The following ATP9A variants were observed in gnomAD, a reference collection of about 807,000 sequenced individuals.
The protein encoded by ATP9A is ATPase phospholipid transporting 9A.
Under a neutral mutation model 144.1 loss-of-function variants are expected in ATP9A, and 52 were observed. That is an observed-to-expected ratio of 0.36 (90% CI 0.29 to 0.45). The LOEUF (loss-of-function observed/expected upper bound fraction) is 0.45. Among genes scored for constraint, ATP9A ranks in the 20% least tolerant of loss-of-function variants. The probability of loss-of-function intolerance (pLI) is 1.00; values close to 1 mark genes in which losing one functional copy is unlikely to be tolerated. For missense variants in ATP9A, 947 were observed against 1,392.7 expected (o/e 0.68, Z 5.09); for synonymous variants, 582 against 557.4 (o/e 1.04, Z -0.62).
At chr20:51,603,508 C>T (rs1051813580) in intron 27 of ATP9A, among the ~76,000 whole-genome samples, 16 of 152,148 alleles carry the variant, frequency 1.1e-4, no homozygotes, top group East Asian at 3.9e-4. Context: ...CGATGGGGTC[C>T]GTAGCATAGC....
At chr20:51,683,606 G>A (rs1000165590) in intron 9 of ATP9A, among the ~76,000 whole-genome samples, 12 of 151,986 alleles carry the variant, frequency 7.9e-5, no homozygotes, top group Non-Finnish European at 1.5e-4. Flanking sequence ...TGTAGAGATG[G>A]GTTTTCACTA....
intron 1 of ATP9A, among the ~76,000 whole-genome samples, chr20:51,751,832 C>T (rs1328514895): frequency 1.3e-5 from 2 of 152,158 alleles, no homozygotes; most frequent in South Asian, 2.1e-4. Context: ...TCGTGATCCG[C>T]CCGCCTCGGC....
Position 51,711,038 on chromosome 20 carries a change from C to T in ATP9A, c.436+1928G>A, listed in dbSNP as rs143476353. Among the ~76,000 whole-genome samples the T allele has an allele frequency of 5.9e-5, 9 of 152,196 alleles. No individual in the cohort carries two copies. In the East Asian group the frequency reaches 1.3e-3, roughly 23 times the overall value. ...TTATTAAGGGAGGATTTAATATACA[C>T]GAACCACACACAAAAAAAGCCCTCC... On this transcript the variant is annotated intron_variant, in intron 4 of 27. Transcript: ENST00000338821.
intron 9 of ATP9A, among the ~76,000 whole-genome samples, chr20:51,681,177 A>T (rs911673293): frequency 2.0e-5 from 3 of 152,212 alleles, no homozygotes; most frequent in Non-Finnish European, 4.4e-5. Flanking sequence ...AAATGTCCTC[A>T]TGTAATGTTA....
intron 1 of ATP9A, among the ~76,000 whole-genome samples, chr20:51,747,002 T>C (rs1651495256): frequency 2.6e-5 from 4 of 151,448 alleles, no homozygotes; most frequent in Admixed American, 2.6e-4. Context: ...CGAGACTCCG[T>C]CTCAAAAAAA....
intron 14 of ATP9A, among the ~76,000 whole-genome samples, chr20:51,642,804 G>A (rs6021342): frequency 1.4e-5 from 2 of 138,822 alleles, no homozygotes; most frequent in Admixed American, 7.4e-5. Flanking sequence ...TTTACCAAGA[G>A]AGCTCTGCAG....
intron 15 of ATP9A, among the ~76,000 whole-genome samples, chr20:51,639,140 G>C (rs1287622244): frequency 6.6e-6 from 1 of 152,182 alleles, no homozygotes; most frequent in African/African-American, 2.4e-5. Context: ...TCCAGAACCA[G>C]GGACACCATA....
At chr20:51,749,881 C>T (rs965316018) in intron 1 of ATP9A, among the ~76,000 whole-genome samples, 5 of 152,150 alleles carry the variant, frequency 3.3e-5, no homozygotes, top group East Asian at 1.9e-4. Context: ...GGTGCAGTGG[C>T]TCATCCTGTA....
At position 51,690,823 on chromosome 20, in the gene ATP9A, T is replaced by C. The variant is rs185194072; in HGVS notation, c.643-4A>G. 1.2e-6 allele frequency: 2 copies of C among 1,613,810 alleles called. No homozygotes were observed. The highest frequency in any genetic ancestry group is 4.5e-5 in the East Asian group (2 of 44,876). Reference sequence around the variant, plus strand: ...ACGATCGAATCTGAAGAAGGTCCTGTTCAACAGAAGGCACATTCGGGAGTC... The same window carrying C: ...ACGATCGAATCTGAAGAAGGTCCTGCTCAACAGAAGGCACATTCGGGAGTC... On this transcript the variant is annotated splice_region_variant and splice_polypyrimidine_tract_variant and intron_variant, in intron 7 of 27. Transcript: ENST00000338821.
At chr20:51,730,988 G>A (rs1025718205) in intron 1 of ATP9A, among the ~76,000 whole-genome samples, 4 of 152,176 alleles carry the variant, frequency 2.6e-5, no homozygotes, top group African/African-American at 9.7e-5. Context: ...GGGCAACAAA[G>A]TGAGACTCTC....
At chr20:51,635,014 CTG>C (rs1463630787) in intron 15 of ATP9A, among the ~76,000 whole-genome samples, 1 of 102,124 alleles carries the variant, frequency 9.8e-6, no homozygotes, top group Non-Finnish European at 2.0e-5. Flanking sequence ...GGTACTCATG[CTG>C]TGTGTCAGCC....
intron 3 of ATP9A, among the ~76,000 whole-genome samples, chr20:51,720,560 G>T (rs563631300): frequency 6.6e-6 from 1 of 152,270 alleles, no homozygotes; most frequent in African/African-American, 2.4e-5. Flanking sequence ...CCTAGGCCTA[G>T]CGCAGTGGCT....
intron 3 of ATP9A, among the ~76,000 whole-genome samples, chr20:51,717,852 G>T (rs1386474178): frequency 5.9e-5 from 9 of 151,988 alleles, no homozygotes; most frequent in Non-Finnish European, 2.9e-5. Context: ...TACTTAGGGG[G>T]CTGAGGCAGG....
chr20:51,701,745 GGGATGAGCCTC>G (rs1568827151), intron 4 of ATP9A, among the ~76,000 whole-genome samples: 1 of 152,180 alleles, frequency 6.6e-6, no homozygotes, highest in African/African-American at 2.4e-5. Context: ...GTGTTTTGAG[GGGATGAGCCTC>G]GGATCTGCAG....
intron 22 of ATP9A, among the ~76,000 whole-genome samples, chr20:51,616,948 T>C (rs959397127): frequency 6.5e-4 from 98 of 151,460 alleles, no homozygotes; most frequent in Admixed American, 1.8e-3. Context: ...AACTTTTTTT[T>C]TTTTTTTTTT....
At position 51,746,878 on chromosome 20, in the gene ATP9A, C is replaced by T. The variant is rs566133065; in HGVS notation, c.69-16900G>A. 5.3e-5 allele frequency among the ~76,000 whole-genome samples: 8 copies of T among 151,834 alleles called. No individual in the cohort carries two copies. In the East Asian group the frequency reaches 7.8e-4, roughly 15 times the overall value. ...AAAATCAATCAGGTGTGGTGGCGCACGCCCGTAATCCCAGCTACTCCAGAG... is the reference window on the plus strand; with the variant it reads ...AAAATCAATCAGGTGTGGTGGCGCATGCCCGTAATCCCAGCTACTCCAGAG... On this transcript the variant is annotated intron_variant, in intron 1 of 27. Transcript: ENST00000338821.
At chr20:51,718,835 AAAAAAAAAAAC>A (rs1486315520) in intron 3 of ATP9A, among the ~76,000 whole-genome samples, 1 of 103,502 alleles carries the variant, frequency 9.7e-6, no homozygotes, top group African/African-American at 3.2e-5. Context: ...AAAAAAAAAA[AAAAAAAAAAAC>A]AGGCCGGGTG....
At chr20:51,658,888 C>CAGTGG (rs796375461) in intron 13 of ATP9A, among the ~76,000 whole-genome samples, 1 of 54,828 alleles carries the variant, frequency 1.8e-5, no homozygotes, top group Non-Finnish European at 3.3e-5. Context: ...AGACCACTGG[C>CAGTGG]GGGGGGGGGG....
At chr20:51,729,810 A>C in intron 2 of ATP9A, 24 bp downstream of exon 2, 1 of 1,531,524 alleles carries the variant, frequency 6.5e-7, no homozygotes, top group Non-Finnish European at 8.7e-7. Context: ...AAAAGAAAAG[A>C]GCACGGTCCC....
Sources: gnomAD v4.1 joint callset for allele counts (sites outside exome capture counted in the v4.1 genomes callset) on GRCh38, gnomAD v4.1.1 for gene constraint, MANE v1.5 for transcripts, NCBI Gene and HGNC (gene_info 2026-07-23, HGNC 2026-07-21) for gene names.